The following SORCS2 variants were observed in gnomAD, a reference collection of about 807,000 sequenced individuals.
SORCS2 encodes VPS10 domain-containing receptor SorCS2.
Under a neutral mutation model 141.6 loss-of-function variants are expected in SORCS2, and 100 were observed. The observed-to-expected ratio is 0.71, with a 90% CI of 0.60 to 0.83. The LOEUF (loss-of-function observed/expected upper bound fraction) is 0.83, where lower values mean the gene tolerates loss of function less well. Among genes scored for constraint, SORCS2 ranks in the 40% least tolerant of loss-of-function variants. The pLI, the probability that SORCS2 is intolerant of heterozygous loss-of-function variation, is 0.00. For missense variants in SORCS2, 1,646 were observed against 1,560.2 expected (o/e 1.05, Z -0.93); for synonymous variants, 789 against 676.9 (o/e 1.17, Z -2.57).
At chr4:7,687,487 A>G (rs1037221599) in intron 10 of SORCS2, among the ~76,000 whole-genome samples, 4 of 152,052 alleles carry the variant, frequency 2.6e-5, no homozygotes, top group African/African-American at 4.8e-5. Flanking sequence ...ATTGGGGCCC[A>G]TTTGTCACTA....
chr4:7,346,584 C>T (rs188726890), intron 1 of SORCS2, among the ~76,000 whole-genome samples: 3 of 152,338 alleles, frequency 2.0e-5, no homozygotes, highest in Admixed American at 2.0e-4. Context: ...AAGTCAAGAG[C>T]TACTGATCTT....
chr4:7,344,251 C>A (rs1415940190), intron 1 of SORCS2, among the ~76,000 whole-genome samples: 1 of 152,224 alleles, frequency 6.6e-6, no homozygotes, highest in Non-Finnish European at 1.5e-5. Flanking sequence ...TCCTCATCTG[C>A]TGAGTCCCAT....
At chr4:7,426,103 A>G (rs935916760) in intron 2 of SORCS2, among the ~76,000 whole-genome samples, 3 of 152,142 alleles carry the variant, frequency 2.0e-5, no homozygotes. Flanking sequence ...TCATCAGTGT[A>G]TGTCCTCCCG....
At chr4:7,268,720 A>G (rs1466112344) in intron 1 of SORCS2, among the ~76,000 whole-genome samples, 1 of 152,200 alleles carries the variant, frequency 6.6e-6, no homozygotes, top group African/African-American at 2.4e-5. Flanking sequence ...CAACCTGGCC[A>G]GGGAGTGGAG....
intron 1 of SORCS2, among the ~76,000 whole-genome samples, chr4:7,207,002 T>A (rs577715510): frequency 7.2e-5 from 11 of 152,246 alleles, no homozygotes; most frequent in African/African-American, 2.6e-4. Context: ...ATCACCCACC[T>A]GCTCGCTCAC....
chr4:7,550,313 C>T (rs1713601219), intron 3 of SORCS2, among the ~76,000 whole-genome samples: 1 of 152,124 alleles, frequency 6.6e-6, no homozygotes, highest in Non-Finnish European at 1.5e-5. Flanking sequence ...AGTTCTGGGC[C>T]TGTCCCTGTT....
chr4:7,714,099 G>A (rs145487497), intron 15 of SORCS2, 141 bp from the exon 16 acceptor site: 18,687 of 1,230,818 alleles, frequency 0.015, 188 homozygotes, highest in Non-Finnish European at 0.018. Context: ...GACATGTCAC[G>A]CCCCATTATG....
chr4:7,456,341 A>G (rs1728910179), intron 2 of SORCS2, among the ~76,000 whole-genome samples: 1 of 152,200 alleles, frequency 6.6e-6, no homozygotes, highest in Non-Finnish European at 1.5e-5. Flanking sequence ...AATTATGCGA[A>G]TGAGGCATTT....
At chr4:7,283,826 G>A (rs1716036600) in intron 1 of SORCS2, among the ~76,000 whole-genome samples, 1 of 152,116 alleles carries the variant, frequency 6.6e-6, no homozygotes, top group Non-Finnish European at 1.5e-5. Flanking sequence ...GGAGGGGGCA[G>A]GACCAGAACC....
At position 7,606,940 on chromosome 4, in the gene SORCS2, A is replaced by G. The variant is rs1190368783; in HGVS notation, c.649-31388A>G. 2.6e-5 allele frequency among the ~76,000 whole-genome samples: 4 copies of G among 152,134 alleles called. No individual in the cohort carries two copies. In the East Asian group the frequency reaches 7.7e-4, roughly 29 times the overall value. On this transcript the variant is annotated intron_variant, in intron 3 of 26. Transcript: ENST00000507866. ...ATCCTTTGACTTCATTCCTAGATAA[A>G]CAGAGTGGGGACAACAGCTGTTTCT...
At chr4:7,647,141 G>T (rs1342103108) in intron 4 of SORCS2, among the ~76,000 whole-genome samples, 3 of 152,188 alleles carry the variant, frequency 2.0e-5, no homozygotes, top group African/African-American at 7.2e-5. Context: ...TTGCGCAAAG[G>T]CCTGGAGGTG....
intron 18 of SORCS2, among the ~76,000 whole-genome samples, chr4:7,721,041 G>A (rs763581016): frequency 6.6e-6 from 1 of 152,230 alleles, no homozygotes; most frequent in Non-Finnish European, 1.5e-5. Flanking sequence ...GTATGTGTCT[G>A]TTCATAGCAG....
chr4:7,362,499 G>C (rs544010811), intron 1 of SORCS2, among the ~76,000 whole-genome samples: 1 of 152,184 alleles, frequency 6.6e-6, no homozygotes, highest in Non-Finnish European at 1.5e-5. Flanking sequence ...TGAGCTGGTA[G>C]TATGTGCTCA....
At chr4:7,261,653 AT>A (rs1714330789) in intron 1 of SORCS2, among the ~76,000 whole-genome samples, 1 of 152,268 alleles carries the variant, frequency 6.6e-6, no homozygotes. Flanking sequence ...GCTGCAATTG[AT>A]TATTCAATTA....
Position 7,222,663 on chromosome 4 carries a change from G to C in SORCS2, c.480+29537G>C, listed in dbSNP as rs533200832. 9.8e-4 allele frequency among the ~76,000 whole-genome samples: 149 copies of C among 152,302 alleles called. 1 individual carries two copies. The Middle Eastern group carries it at 0.027, about 28-fold the overall frequency. On this transcript the variant is annotated intron_variant, in intron 1 of 26. Transcript: ENST00000507866. ...AGAAGGGTAGTGCGGCCGGGGCAGA[G>C]GGCTGGTGCAGGGAGGGAGGCCACG...
intron 22 of SORCS2, among the ~76,000 whole-genome samples, chr4:7,728,927 C>G (rs942486455): frequency 3.3e-5 from 5 of 152,196 alleles, no homozygotes; most frequent in African/African-American, 1.2e-4. Flanking sequence ...CCTTGGCCCC[C>G]AAGTGAGAGA....
rs781012464 is a variant in SORCS2 at position 7,663,580 on chromosome 4, C to T, written c.953-773C>T. Among the ~76,000 whole-genome samples, 3 of 152,172 alleles carry T rather than the reference C, an allele frequency of 2.0e-5. No individual in the cohort carries two copies. Among genetic ancestry groups the T allele is most frequent in the Non-Finnish European group, 2.9e-5 (2 of 68,028 alleles). ...TGCCTTCTGCCTCCTCTGAACAGACCGGGCAGGTGGGCCCACCCCATTGTT... is the reference window on the plus strand; with the variant it reads ...TGCCTTCTGCCTCCTCTGAACAGACTGGGCAGGTGGGCCCACCCCATTGTT... On this transcript the variant is annotated intron_variant, in intron 6 of 26. Transcript: ENST00000507866. This position sits in a 1 kb window ranked among gnomAD's most constrained non-coding sequence, Gnocchi z 4.8.
intron 4 of SORCS2, among the ~76,000 whole-genome samples, chr4:7,641,832 G>A (rs1453906494): frequency 2.8e-5 from 2 of 72,102 alleles, no homozygotes; most frequent in Non-Finnish European, 3.8e-5. Context: ...GTGGATGGAT[G>A]GATGGGTGGA....
intron 2 of SORCS2, among the ~76,000 whole-genome samples, chr4:7,411,906 C>T (rs1045591604): frequency 6.6e-6 from 1 of 152,208 alleles, no homozygotes; most frequent in Non-Finnish European, 1.5e-5. Context: ...AAGCTGCCCT[C>T]CCTACATAGT....
Sources: allele counts gnomAD v4.1 joint callset (sites outside exome capture counted in the v4.1 genomes callset), GRCh38; gene constraint gnomAD v4.1.1; non-coding constraint Gnocchi (gnomAD v3.1); transcripts MANE v1.5; gene names NCBI Gene and HGNC (gene_info 2026-07-23, HGNC 2026-07-21).